The following PECAM1 variants were observed in gnomAD, a reference collection of about 807,000 sequenced individuals.
PECAM1 encodes the protein platelet and endothelial cell adhesion molecule 1.
PECAM1 carries 8 observed loss-of-function variants against 13.8 expected under a neutral mutation model. The ratio of observed to expected loss-of-function variants is 0.58; its 90% CI spans 0.34 to 1.05. The LOEUF (loss-of-function observed/expected upper bound fraction) is 1.05, where lower values mean the gene tolerates loss of function less well. Ranked by LOEUF, PECAM1 falls within the 50% of genes least tolerant of loss-of-function variation. The probability of loss-of-function intolerance (pLI) is 0.03; values close to 1 mark genes in which losing one functional copy is unlikely to be tolerated. For missense variants in PECAM1, 304 were observed against 141.2 expected, an observed-to-expected ratio of 2.15 and a Z score of -5.84; for synonymous variants, 136 against 52.6, an observed-to-expected ratio of 2.58 and a Z score of -6.86.
At chr17:64,372,075 T>G (rs1265417846) in intron 4 of PECAM1, among the ~76,000 whole-genome samples, 6 of 152,112 alleles carry the variant, frequency 3.9e-5, no homozygotes, top group Admixed American at 1.3e-4. Context: ...TATATATCAC[T>G]ATACCTCAAC....
At chr17:64,381,550 G>A (rs1454718966) in intron 2 of PECAM1, among the ~76,000 whole-genome samples, 1 of 152,086 alleles carries the variant, frequency 6.6e-6, no homozygotes, top group East Asian at 1.9e-4. Context: ...CCTTTGTTGG[G>A]TAATTTAAAA....
chr17:64,342,075 A>G (rs2035445727), intron 13 of PECAM1, among the ~76,000 whole-genome samples: 2 of 151,774 alleles, frequency 1.3e-5, no homozygotes, highest in Non-Finnish European at 2.9e-5. Context: ...GCTTGAACCC[A>G]GGATGCAGAG....
chr17:64,338,948 A>G (rs1205302510), intron 14 of PECAM1, among the ~76,000 whole-genome samples: 2 of 152,176 alleles, frequency 1.3e-5, no homozygotes, highest in East Asian at 1.9e-4. Flanking sequence ...TATGTATGTT[A>G]ATAAACTCTG....
chr17:64,371,073 G>T (rs900723367), intron 4 of PECAM1, among the ~76,000 whole-genome samples: 9 of 152,050 alleles, frequency 5.9e-5, no homozygotes, highest in African/African-American at 2.2e-4. Flanking sequence ...ATAGCTGAAG[G>T]GTGTTTTTCT....
chr17:64,377,092 G>A (rs1244238120), intron 3 of PECAM1, among the ~76,000 whole-genome samples: 55 of 152,316 alleles, frequency 3.6e-4, no homozygotes, highest in Admixed American at 2.6e-3. Flanking sequence ...AATGGGTATC[G>A]TTGTTATCTT....
chr17:64,346,264 G>A (rs1053593950), intron 13 of PECAM1, among the ~76,000 whole-genome samples: 1 of 152,154 alleles, frequency 6.6e-6, no homozygotes, highest in African/African-American at 2.4e-5. Context: ...GAGCATGCAG[G>A]AGTGTGCAGT....
rs2036028178 is a variant in PECAM1 at position 64,363,298 on chromosome 17, T to A, written c.1067A>T (p.Asn356Ile). The A allele has an allele frequency of 2.1e-6, 1 of 475,254 alleles. No homozygotes were observed. The highest frequency in any genetic ancestry group is 2.0e-5 in the African/African-American group (1 of 50,514). The allele number at this position is 475,254 out of a possible 1,614,324, so 29.4% of individuals were successfully genotyped here. Residue 356 changes from asparagine to isoleucine, a missense_variant, in exon 6 of 16, where the codon AAC becomes ATC. Asn to Ile is a moderately radical substitution (Grantham distance 149, BLOSUM62 -3). Coordinates refer to ENST00000563924, the MANE Select transcript of PECAM1 (RefSeq NM_000442.5). Reference protein sequence around the residue: ...SCSIPGAPPANFTIQKEDTIV... With the variant: ...SCSIPGAPPAIFTIQKEDTIV... ...CGTATCTTCCTTCTGGATGGTGAAGTTGGCTGGAGGTGCTCCTGGGATGGA... is the reference window on the plus strand; with the variant it reads ...CGTATCTTCCTTCTGGATGGTGAAGATGGCTGGAGGTGCTCCTGGGATGGA...
At chr17:64,334,251 C>T (rs8066504) in intron 14 of PECAM1, among the ~76,000 whole-genome samples, 9,274 of 152,168 alleles carry the variant, frequency 0.061, 525 homozygotes, top group African/African-American at 0.14. Flanking sequence ...TCTCTCTCCT[C>T]GGCCCTGGGG....
rs1255312738 is a variant in PECAM1, at chr17:64,323,118, G to A, written c.*698C>T. 4 of 984,874 alleles carry A rather than the reference G, an allele frequency of 4.1e-6. No homozygotes were observed. The highest frequency in any genetic ancestry group is 4.8e-6 in the Non-Finnish European group (4 of 829,506). The allele number at this position is 984,874 out of a possible 1,614,324, so 61.0% of individuals were successfully genotyped here. A position where few individuals can be genotyped will look rare whatever the true frequency, so the allele number is the denominator to read the frequency against. Reference sequence around the variant, plus strand: ...CTTCCTGTCTTTCAGCCTTCAGCATGGTAGAGGAAAAGAGAAAGAGTGTAG... The same window carrying A: ...CTTCCTGTCTTTCAGCCTTCAGCATAGTAGAGGAAAAGAGAAAGAGTGTAG... On this transcript the variant is annotated 3_prime_UTR_variant, in exon 16 of 16. Coordinates refer to ENST00000563924, the MANE Select transcript of PECAM1 (RefSeq NM_000442.5).
chr17:64,350,710 C>T (rs1397641905), intron 11 of PECAM1, among the ~76,000 whole-genome samples: 5 of 150,512 alleles, frequency 3.3e-5, no homozygotes, highest in South Asian at 2.1e-4. Context: ...GGTGCGATCC[C>T]GGCTCACTGC....
chr17:64,376,325 TAAA>T (rs2036357766), intron 3 of PECAM1, among the ~76,000 whole-genome samples: 1 of 151,256 alleles, frequency 6.6e-6, no homozygotes, highest in Non-Finnish European at 1.5e-5. Flanking sequence ...AATAAATAAA[TAAA>T]TAAATAAATA....
chr17:64,362,368 G>A (rs1253429491), intron 6 of PECAM1, among the ~76,000 whole-genome samples: 1 of 152,182 alleles, frequency 6.6e-6, no homozygotes, highest in Admixed American at 6.5e-5. Context: ...TGATATTCTT[G>A]GCCGGGTGTG....
intron 15 of PECAM1, 42 bp downstream of exon 15, chr17:64,329,658 T>G (rs372075567): frequency 4.6e-5 from 34 of 738,826 alleles, no homozygotes; most frequent in Non-Finnish European, 8.3e-5. Context: ...CACTGTTCAG[T>G]GGAGTACTTT....
chr17:64,374,657 G>T (rs2036316991), intron 4 of PECAM1, among the ~76,000 whole-genome samples: 1 of 151,264 alleles, frequency 6.6e-6, no homozygotes, highest in Non-Finnish European at 1.5e-5. Context: ...GGTGCTGCAT[G>T]CCTGTAATCC....
In PECAM1 at chr17:64,323,299, C is replaced by CA; in HGVS notation, c.*516dup. 3.0e-6 allele frequency: 3 copies of CA among 1,002,178 alleles called. No homozygotes were observed. The highest frequency in any genetic ancestry group is 3.6e-6 in the Non-Finnish European group (3 of 839,816). The allele number at this position is 1,002,178 out of a possible 1,614,324, so 62.1% of individuals were successfully genotyped here. On this transcript the variant is annotated 3_prime_UTR_variant, in exon 16 of 16. Coordinates refer to ENST00000563924, the MANE Select transcript of PECAM1 (RefSeq NM_000442.5). ...GTGGAGGGCGAGGTCATAGAGGGGA[C>CA]AGGGGGAGGCTGTCTGGTCAGCACT...
chr17:64,346,863 C>T (rs2035581664), intron 13 of PECAM1, among the ~76,000 whole-genome samples: 1 of 152,174 alleles, frequency 6.6e-6, no homozygotes, highest in Non-Finnish European at 1.5e-5. Flanking sequence ...AAGCCTTTAC[C>T]TAAGTGTCCC....
At chr17:64,367,086 A>G (rs1176173911) in intron 5 of PECAM1, among the ~76,000 whole-genome samples, 3 of 151,154 alleles carry the variant, frequency 2.0e-5, no homozygotes, top group Admixed American at 6.6e-5. Context: ...TCACTCATGT[A>G]TTTGTTCACT....
chr17:64,381,413 T>C (rs1408600694), intron 2 of PECAM1, among the ~76,000 whole-genome samples: 2 of 152,208 alleles, frequency 1.3e-5, no homozygotes, highest in East Asian at 3.8e-4. Flanking sequence ...TTGTATCTCA[T>C]TGAACAATAC....
chr17:64,356,028 C>T, intron 8 of PECAM1, 83 bp downstream of exon 8: 1 of 472,952 alleles, frequency 2.1e-6, no homozygotes, highest in Non-Finnish European at 3.9e-6. Context: ...GACTCCCCCC[C>T]AACTCCCTCT....
Sources: allele counts gnomAD v4.1 joint callset (sites outside exome capture counted in the v4.1 genomes callset), GRCh38; gene constraint gnomAD v4.1.1; transcripts MANE v1.5; gene names NCBI Gene and HGNC (gene_info 2026-07-23, HGNC 2026-07-21).